The following ABCA5 variants were observed in gnomAD, a reference collection of about 807,000 sequenced individuals.
ABCA5 encodes the protein ATP binding cassette subfamily A member 5, also known as cholesterol transporter ABCA5.
A neutral mutation model predicts 206.0 loss-of-function variants in ABCA5; 163 were observed. The ratio of observed to expected loss-of-function variants is 0.79; its 90% CI spans 0.70 to 0.90. ABCA5 has a LOEUF of 0.90. Among genes scored for constraint, ABCA5 ranks in the 40% least tolerant of loss-of-function variants. The pLI is 0.00. For synonymous variants in ABCA5, 609 were observed against 613.8 expected (o/e 0.99, Z 0.11); for missense variants, 1,859 against 1,912.9 (o/e 0.97, Z 0.53).
At chr17:69,259,157 T>C (rs1477127395) in intron 28 of ABCA5, among the ~76,000 whole-genome samples, 1 of 152,062 alleles carries the variant, frequency 6.6e-6, no homozygotes, top group Non-Finnish European at 1.5e-5. Flanking sequence ...TCATAATAGC[T>C]GAATTCATAG....
chr17:69,261,290 C>T, intron 25 of ABCA5, 31 bp from the exon 26 acceptor site: 7 of 1,570,616 alleles, frequency 4.5e-6, no homozygotes, highest in Admixed American at 1.9e-5. Context: ...ATAAAAGTGA[C>T]AAAGTGTTTA....
chr17:69,283,316 A>G (rs1018616495), intron 18 of ABCA5, among the ~76,000 whole-genome samples: 2 of 152,122 alleles, frequency 1.3e-5, no homozygotes, highest in Non-Finnish European at 2.9e-5. Flanking sequence ...AGTTCAAGAT[A>G]GTATTAACTA....
In ABCA5 at chr17:69,277,658, A is replaced by G. The variant is rs755530452; in HGVS notation, c.2577T>C (p.Ser859=). 12 of 1,610,376 alleles carry G rather than the reference A, an allele frequency of 7.5e-6. No homozygotes were observed. The highest frequency in any genetic ancestry group is 3.3e-5 in the South Asian group (3 of 90,140). ...ATACTTACACTGATCTCACTGATTT[A>G]CTTTCACGTTTCAAGGTAAAGAAAT... ...KFHFFTLKRE[S]KSVRSVLLLL... is the part of the protein sequence containing the mutation. Residue 859 remains serine (S), a synonymous_variant, in exon 19 of 39, where the codon AGT becomes AGC. Transcript: ENST00000392676.
chr17:69,246,698 C>T lies in ABCA5; in HGVS notation c.*839G>A, dbSNP rs927532031. Reference sequence around the variant, plus strand: ...AGAACAAAATTAAATGTGCCCTTTGCAAGGAAGATGACAAAAAATTTATAT... The same window carrying T: ...AGAACAAAATTAAATGTGCCCTTTGTAAGGAAGATGACAAAAAATTTATAT... On this transcript the variant is annotated 3_prime_UTR_variant, in exon 39 of 39. Coordinates refer to ENST00000392676, the MANE Select transcript of ABCA5 (RefSeq NM_172232.4). The T allele has an allele frequency of 1.1e-4, 16 of 151,694 alleles. No homozygotes were observed. The highest frequency in any genetic ancestry group is 2.4e-4 in the Non-Finnish European group (16 of 67,724). The allele number at this position is 151,694 out of a possible 1,614,324, so 9.4% of individuals were successfully genotyped here.
intron 11 of ABCA5, among the ~76,000 whole-genome samples, chr17:69,293,615 G>T (rs1598185462): frequency 6.6e-6 from 1 of 151,970 alleles, no homozygotes; most frequent in African/African-American, 2.4e-5. Context: ...GAAAAAACAG[G>T]TTCCTTGGAA....
Position 69,302,749 on chromosome 17 carries a change from CAGAA to C in ABCA5, c.1084_1087del (p.Phe362ValfsTer6), listed in dbSNP as rs2075665489. ...AATACCAATCACAAAAGTACAGTGACAGAAAGGACTGAAAAGCCACACTAACGAT... is the reference window on the plus strand; with the variant it reads ...AATACCAATCACAAAAGTACAGTGACAGGACTGAAAAGCCACACTAACGAT... On this transcript the variant is annotated frameshift_variant, in exon 8 of 39. Transcript: ENST00000392676. LOFTEE classifies it high-confidence loss of function. 3 of 1,586,014 alleles carry C rather than the reference CAGAA, an allele frequency of 1.9e-6. No individual in the cohort carries two copies. Among genetic ancestry groups the C allele is most frequent in the Non-Finnish European group, 2.6e-6 (3 of 1,172,348 alleles).
At chr17:69,272,470 TAACTC>T (rs972417021) in intron 20 of ABCA5, among the ~76,000 whole-genome samples, 70 of 151,876 alleles carry the variant, frequency 4.6e-4, no homozygotes, top group African/African-American at 1.5e-3. Flanking sequence ...CAATGAGAAT[TAACTC>T]AAAGCAAAAA....
intron 26 of ABCA5, among the ~76,000 whole-genome samples, chr17:69,260,806 C>G (rs1273000510): frequency 6.6e-6 from 1 of 151,846 alleles, no homozygotes; most frequent in Non-Finnish European, 1.5e-5. Context: ...TATTCTTTCT[C>G]ATCCCTTTAT....
At chr17:69,270,870 TCA>T (rs1370775960) in intron 21 of ABCA5, 120 bp from the exon 22 acceptor site, 1 of 931,420 alleles carries the variant, frequency 1.1e-6, no homozygotes, top group African/African-American at 1.7e-5. Flanking sequence ...CTTCAACAAC[TCA>T]CAGAAATAAT....
Position 69,272,216 on chromosome 17 carries a change from T to C in ABCA5, c.2765-927A>G, listed in dbSNP as rs1025565599. Among the ~76,000 whole-genome samples, 5 of 152,086 alleles carry C rather than the reference T, an allele frequency of 3.3e-5. No individual in the cohort carries two copies. The South Asian group carries it at 8.3e-4, about 25-fold the overall frequency. Reference sequence around the variant, plus strand: ...TATCTCTAACTTGCAAGACCAGCTATGTACCCTGAGAAGAGAGACACATTA... The same window carrying C: ...TATCTCTAACTTGCAAGACCAGCTACGTACCCTGAGAAGAGAGACACATTA... On this transcript the variant is annotated intron_variant, in intron 20 of 38. Coordinates refer to ENST00000392676, the MANE Select transcript of ABCA5 (RefSeq NM_172232.4).
chr17:69,293,490 A>C (rs1172213281), intron 11 of ABCA5, among the ~76,000 whole-genome samples: 1 of 152,166 alleles, frequency 6.6e-6, no homozygotes, highest in African/African-American at 2.4e-5. Flanking sequence ...TATTTGGTCA[A>C]ATACTGATGT....
chr17:69,291,965 T>G (rs1216281229), intron 11 of ABCA5, among the ~76,000 whole-genome samples: 1 of 151,652 alleles, frequency 6.6e-6, no homozygotes, highest in Non-Finnish European at 1.5e-5. Context: ...ATATAAAAAT[T>G]AGCTGGGCAT....
chr17:69,291,380 G>T, intron 11 of ABCA5, 54 bp from the exon 12 acceptor site: 1 of 1,096,712 alleles, frequency 9.1e-7, no homozygotes, highest in Non-Finnish European at 1.4e-6. Flanking sequence ...GTTCAGCTAT[G>T]CATGATAATT....
intron 28 of ABCA5, among the ~76,000 whole-genome samples, chr17:69,257,051 C>T (rs879414975): frequency 6.6e-6 from 1 of 151,790 alleles, no homozygotes; most frequent in African/African-American, 2.4e-5. Flanking sequence ...AAACAGAAGA[C>T]ATAATGGAAA....
At chr17:69,278,763 A>G (rs2075359725) in intron 18 of ABCA5, among the ~76,000 whole-genome samples, 1 of 152,214 alleles carries the variant, frequency 6.6e-6, no homozygotes, top group Admixed American at 6.5e-5. Context: ...TCTAGCATAT[A>G]AACAGAGCCA....
rs181199454 is a variant in ABCA5, at chr17:69,258,487, T to C, written c.3731+1219A>G. Among the ~76,000 whole-genome samples the C allele has an allele frequency of 3.6e-3, 552 of 152,200 alleles. 3 individuals carry two copies. Among genetic ancestry groups the C allele is most frequent in the South Asian group, 6.2e-3 (30 of 4,824 alleles). ...TATAAACAGACAATCAAATACAACA[T>C]GTTCTCACTTATCAGTGGATACACA... On this transcript the variant is annotated intron_variant, in intron 28 of 38. Coordinates refer to ENST00000392676, the MANE Select transcript of ABCA5 (RefSeq NM_172232.4).
chr17:69,312,427 C>T (rs569534289), intron 3 of ABCA5, among the ~76,000 whole-genome samples: 19 of 152,040 alleles, frequency 1.2e-4, no homozygotes, highest in Non-Finnish European at 2.5e-4. Flanking sequence ...ATAAATAAAA[C>T]AGAGTTAGGG....
intron 20 of ABCA5, among the ~76,000 whole-genome samples, chr17:69,273,545 T>C (rs2095742218): frequency 6.6e-6 from 1 of 151,624 alleles, no homozygotes; most frequent in South Asian, 2.1e-4. Flanking sequence ...AACCTCCGCC[T>C]CCCGGGTTCA....
chr17:69,314,472 C>A, intron 1 of ABCA5, 42 bp from the exon 2 acceptor site: 2 of 1,186,894 alleles, frequency 1.7e-6, no homozygotes, highest in Non-Finnish European at 1.2e-6. Context: ...CGGAGCCACG[C>A]AGTAAACTGC....
Sources: allele counts gnomAD v4.1 joint callset (sites outside exome capture counted in the v4.1 genomes callset), GRCh38; gene constraint gnomAD v4.1.1; transcripts MANE v1.5; gene names NCBI Gene and HGNC (gene_info 2026-07-23, HGNC 2026-07-21).